PCDH15: variants seen among roughly 807,000 people sequenced by gnomAD.
The protein encoded by PCDH15 is protocadherin-15.
A neutral mutation model predicts 178.5 loss-of-function variants in PCDH15; 129 were observed. The ratio of observed to expected loss-of-function variants is 0.72; its 90% CI spans 0.63 to 0.84. The LOEUF is 0.84. Among genes scored for constraint, PCDH15 ranks in the 40% least tolerant of loss-of-function variants. The probability of loss-of-function intolerance (pLI) is 0.00; values close to 1 mark genes in which losing one functional copy is unlikely to be tolerated. For synonymous variants in PCDH15, 800 were observed against 732.0 expected, an observed-to-expected ratio of 1.09 and a Z score of -1.50; for missense variants, 2,230 against 2,099.9, an observed-to-expected ratio of 1.06 and a Z score of -1.21.
At chr10:54,616,301 G>A (rs2093150792) in intron 2 of PCDH15, among the ~76,000 whole-genome samples, 1 of 151,992 alleles carries the variant, frequency 6.6e-6, no homozygotes, top group Admixed American at 6.6e-5. Flanking sequence ...TGAAGAAAAA[G>A]CTACTGTCCT....
intron 1 of PCDH15, among the ~76,000 whole-genome samples, chr10:54,798,689 G>A (rs1001789152): frequency 3.9e-5 from 6 of 151,922 alleles, no homozygotes; most frequent in Admixed American, 1.3e-4. Context: ...GAAGTAGTGT[G>A]GTCTCTTTGT....
At chr10:55,111,398 T>C (rs557119797) in intron 2 of PCDH15, among the ~76,000 whole-genome samples, 1 of 152,332 alleles carries the variant, frequency 6.6e-6, no homozygotes, top group African/African-American at 2.4e-5. Flanking sequence ...ATTTACAGCC[T>C]GAGTGAATAA....
chr10:55,245,395 T>A (rs530586129), intron 1 of PCDH15, among the ~76,000 whole-genome samples: 1 of 152,096 alleles, frequency 6.6e-6, no homozygotes, highest in Non-Finnish European at 1.5e-5. Flanking sequence ...CCCCAAAACA[T>A]CTTATATTAC....
At chr10:54,087,587 AT>A (rs1259678813) in intron 16 of PCDH15, among the ~76,000 whole-genome samples, 1 of 152,132 alleles carries the variant, frequency 6.6e-6, no homozygotes, top group African/African-American at 2.4e-5. Context: ...CTTTTGTACC[AT>A]TGTAAATAAT....
At chr10:54,241,853 T>C (rs1316090386) in intron 8 of PCDH15, among the ~76,000 whole-genome samples, 1 of 147,154 alleles carries the variant, frequency 6.8e-6, no homozygotes, top group African/African-American at 2.5e-5. Context: ...GTGAAAATAC[T>C]GTGTAATTAT....
At chr10:54,052,246 C>T (rs1309521668) in intron 18 of PCDH15, among the ~76,000 whole-genome samples, 1 of 152,176 alleles carries the variant, frequency 6.6e-6, no homozygotes, top group Non-Finnish European at 1.5e-5. Flanking sequence ...AATGGTGGAT[C>T]CACCAACACC....
intron 2 of PCDH15, among the ~76,000 whole-genome samples, chr10:55,557,976 G>T (rs766596133): frequency 1.3e-5 from 2 of 152,018 alleles, no homozygotes; most frequent in Non-Finnish European, 2.9e-5. Context: ...CTTTAATCTC[G>T]TGTTAATGCT....
At chr10:54,551,370 A>C (rs759162659) in intron 2 of PCDH15, among the ~76,000 whole-genome samples, 4 of 152,074 alleles carry the variant, frequency 2.6e-5, no homozygotes, top group African/African-American at 4.8e-5. Flanking sequence ...TCTAGAAATT[A>C]AATGTATCAT....
chr10:54,314,926 C>T (rs1208568327), intron 8 of PCDH15, among the ~76,000 whole-genome samples: 1 of 152,102 alleles, frequency 6.6e-6, no homozygotes, highest in Non-Finnish European at 1.5e-5. Context: ...TTTTCTTTAT[C>T]CAATCTGTCA....
chr10:54,353,658 T>TC (rs386371410), intron 5 of PCDH15, among the ~76,000 whole-genome samples: 1 of 151,982 alleles, frequency 6.6e-6, no homozygotes, highest in African/African-American at 2.4e-5. Flanking sequence ...AATGTTTTTT[T>TC]TGTTTGTCCT....
intron 2 of PCDH15, among the ~76,000 whole-genome samples, chr10:55,145,995 C>G (rs77236301): frequency 0.02 from 3,031 of 149,786 alleles, 116 homozygotes; most frequent in African/African-American, 0.07. Context: ...ACAGGAATAT[C>G]TTTCCAATTT....
intron 3 of PCDH15, among the ~76,000 whole-genome samples, chr10:54,501,395 G>A (rs1290252604): frequency 6.6e-6 from 1 of 152,006 alleles, no homozygotes; most frequent in Non-Finnish European, 1.5e-5. Flanking sequence ...CTCTAATTTG[G>A]CATAAACAGT....
intron 8 of PCDH15, among the ~76,000 whole-genome samples, chr10:54,249,845 A>T (rs2056316204): frequency 6.6e-6 from 1 of 152,166 alleles, no homozygotes; most frequent in South Asian, 2.1e-4. Flanking sequence ...GTGGAATTTT[A>T]ATCTTTATCA....
intron 1 of PCDH15, among the ~76,000 whole-genome samples, chr10:54,786,390 C>A (rs1254687743): frequency 6.6e-6 from 1 of 151,954 alleles, no homozygotes; most frequent in Non-Finnish European, 1.5e-5. Context: ...ATATACAAGA[C>A]TTTTCCAAAA....
At chr10:55,496,399 T>C (rs986950771) in intron 2 of PCDH15, among the ~76,000 whole-genome samples, 1 of 151,896 alleles carries the variant, frequency 6.6e-6, no homozygotes, top group Non-Finnish European at 1.5e-5. Context: ...GTAATGATAA[T>C]ATGATTTCAT....
At chr10:54,977,077 C>T (rs566777183) in intron 2 of PCDH15, among the ~76,000 whole-genome samples, 1 of 152,246 alleles carries the variant, frequency 6.6e-6, no homozygotes, top group African/African-American at 2.4e-5. Context: ...TGCACAACTG[C>T]TTTAAGAGTA....
intron 2 of PCDH15, among the ~76,000 whole-genome samples, chr10:55,584,234 C>G (rs933335250): frequency 6.6e-5 from 10 of 151,892 alleles, no homozygotes; most frequent in Admixed American, 2.0e-4. Context: ...TTTGCCTGAT[C>G]TTACATCTGC....
chr10:54,992,430 A>G (rs1350233691), intron 2 of PCDH15, among the ~76,000 whole-genome samples: 1 of 152,150 alleles, frequency 6.6e-6, no homozygotes, highest in Admixed American at 6.6e-5. Context: ...CCTCAGCAAC[A>G]TCCTCTTATA....
At chr10:55,486,171 A>G (rs1178349551) in intron 2 of PCDH15, among the ~76,000 whole-genome samples, 1 of 151,690 alleles carries the variant, frequency 6.6e-6, no homozygotes, top group Non-Finnish European at 1.5e-5. Flanking sequence ...TACAATGACG[A>G]CCATTTCTTG....
Sources: allele counts gnomAD v4.1 joint callset (sites outside exome capture counted in the v4.1 genomes callset), GRCh38; gene constraint gnomAD v4.1.1; transcripts MANE v1.5; gene names NCBI Gene and HGNC (gene_info 2026-07-23, HGNC 2026-07-21).